Variants in JAKMIP3 observed in about 807,000 individuals in gnomAD.
The protein encoded by JAKMIP3 is Janus kinase and microtubule interacting protein 3.
Under a neutral mutation model 118.5 loss-of-function variants are expected in JAKMIP3, and 58 were observed. That is an observed-to-expected ratio of 0.49 (90% confidence interval 0.40 to 0.61). JAKMIP3 has a LOEUF of 0.61. JAKMIP3 is among the 20% of genes least tolerant of loss of function. The pLI, the probability that JAKMIP3 is intolerant of heterozygous loss-of-function variation, is 0.00. For missense variants in JAKMIP3, 950 were observed against 1,109.0 expected (o/e 0.86, Z 2.04); for synonymous variants, 486 against 451.2 (o/e 1.08, Z -0.98).
Position 132,167,066 on chromosome 10 carries a change from C to T in JAKMIP3, c.*22+11C>T, listed in dbSNP as rs11146224. ...TGGCACCCTGACGTGGTGAGTATTT[C>T]GTTGGCAGGGCCCAGCAGGGGTCCC... On this transcript the variant is annotated intron_variant, in intron 22 of 23. Coordinates refer to ENST00000684848, the MANE Select transcript of JAKMIP3 (RefSeq NM_001323087.2). 1.4e-3 allele frequency: 2,141 copies of T among 1,537,564 alleles called. 25 individuals are homozygous for T. The African/African-American group carries it at 0.023, about 17-fold the overall frequency.
At chr10:132,138,045 G>A (rs1050677322) in intron 8 of JAKMIP3, 74 bp from the exon 9 acceptor site, 66 of 1,360,530 alleles carry the variant, frequency 4.9e-5, no homozygotes, top group East Asian at 2.7e-4. Context: ...GATGGCACAC[G>A]GGCAGTAAAC....
At chr10:132,100,634 G>A (rs906877750) in intron 1 of JAKMIP3, among the ~76,000 whole-genome samples, 9 of 152,270 alleles carry the variant, frequency 5.9e-5, no homozygotes, top group East Asian at 3.9e-4. Context: ...TATGAGCTCC[G>A]TCACCTGCCA....
At chr10:132,076,510 C>T (rs2040811216) in intron 1 of JAKMIP3, among the ~76,000 whole-genome samples, 2 of 152,284 alleles carry the variant, frequency 1.3e-5, no homozygotes, top group African/African-American at 4.8e-5. Context: ...TTTCCGTTCT[C>T]TTGGGTTTAC....
intron 3 of JAKMIP3, among the ~76,000 whole-genome samples, chr10:132,130,415 A>G (rs1028035009): frequency 5.9e-5 from 9 of 152,340 alleles, no homozygotes; most frequent in African/African-American, 2.2e-4. Flanking sequence ...CTGTCTCACA[A>G]GGCGCATTCG....
chr10:132,136,959 C>A, intron 6 of JAKMIP3, 60 bp from the exon 7 acceptor site: 1 of 1,569,632 alleles, frequency 6.4e-7, no homozygotes, highest in Non-Finnish European at 8.6e-7. Context: ...CGCCGACCCA[C>A]TGTGTTCAGC....
At chr10:132,102,358 T>A (rs535968384) in intron 1 of JAKMIP3, among the ~76,000 whole-genome samples, 1 of 152,220 alleles carries the variant, frequency 6.6e-6, no homozygotes, top group African/African-American at 2.4e-5. Context: ...CTCAGCCCCG[T>A]CCATGGGTCC....
chr10:132,146,162 C>T (rs990203171), intron 13 of JAKMIP3, among the ~76,000 whole-genome samples: 4 of 141,200 alleles, frequency 2.8e-5, no homozygotes, highest in Admixed American at 6.9e-5. Context: ...CACCCTGGCC[C>T]GGGCTTTGTG....
At chr10:132,085,802 T>G (rs2042328842) in intron 1 of JAKMIP3, among the ~76,000 whole-genome samples, 1 of 152,202 alleles carries the variant, frequency 6.6e-6, no homozygotes, top group African/African-American at 2.4e-5. Flanking sequence ...CCTGGCCTTA[T>G]TTCTTTTTCA....
intron 2 of JAKMIP3, among the ~76,000 whole-genome samples, chr10:132,111,484 T>TGGGGAGG (rs2046869232): frequency 6.6e-6 from 1 of 151,688 alleles, no homozygotes; most frequent in South Asian, 2.1e-4. Context: ...GCAGCCCTCA[T>TGGGGAGG]GGGGAGGGTG....
chr10:132,097,751 GTTTT>G (rs71010000), intron 1 of JAKMIP3, among the ~76,000 whole-genome samples: 49 of 147,080 alleles, frequency 3.3e-4, no homozygotes, highest in East Asian at 6.1e-4. Flanking sequence ...CAAACTAAAA[GTTTT>G]TTTTTTTTTT....
intron 17 of JAKMIP3, among the ~76,000 whole-genome samples, chr10:132,153,410 AAGG>A (rs952998068): frequency 3.8e-4 from 58 of 152,284 alleles, no homozygotes; most frequent in South Asian, 1.0e-3. Context: ...CTCCCACAGC[AAGG>A]AGAAGGGGTG....
intron 3 of JAKMIP3, among the ~76,000 whole-genome samples, chr10:132,129,273 C>A (rs1183056787): frequency 2.0e-5 from 3 of 152,172 alleles, no homozygotes; most frequent in Non-Finnish European, 4.4e-5. Context: ...AGAGAATTCA[C>A]TATGATCTTC....
chr10:132,041,697 T>C (rs748898423), intron 1 of JAKMIP3, among the ~76,000 whole-genome samples: 9 of 152,202 alleles, frequency 5.9e-5, no homozygotes, highest in Non-Finnish European at 1.3e-4. Flanking sequence ...TGGGTGGGCA[T>C]GTGAGCTGCT....
At chr10:132,147,234 T>C (rs2054797105) in intron 13 of JAKMIP3, among the ~76,000 whole-genome samples, 2 of 152,124 alleles carry the variant, frequency 1.3e-5, no homozygotes, top group Non-Finnish European at 1.5e-5. Flanking sequence ...TCTGAGTTTA[T>C]CTTGGTCCCC....
intron 3 of JAKMIP3, 33 bp from the exon 4 acceptor site, chr10:132,133,279 C>A: frequency 6.6e-7 from 1 of 1,515,848 alleles, no homozygotes; most frequent in Middle Eastern, 1.7e-4. Flanking sequence ...CGTGTCCTGC[C>A]GCCTGTGTGA....
rs201839646 is a variant in JAKMIP3 at position 132,180,174 on chromosome 10, C to T, written c.*1104-2183C>T. On this transcript the variant is annotated intron_variant, in intron 23 of 23. Coordinates refer to ENST00000684848, the MANE Select transcript of JAKMIP3 (RefSeq NM_001323087.2). ...AATGCTTCGAAGCCAAGTTCCCAGA[C>T]GCCAGCCAATGGCCACCGTTGCAAG... Among the ~76,000 whole-genome samples the T allele has an allele frequency of 6.6e-5, 10 of 152,272 alleles. No individual in the cohort carries two copies. In the East Asian group the frequency reaches 1.4e-3, roughly 21 times the overall value.
At chr10:132,126,456 C>T (rs758261207) in intron 3 of JAKMIP3, among the ~76,000 whole-genome samples, 5 of 152,096 alleles carry the variant, frequency 3.3e-5, no homozygotes, top group Non-Finnish European at 7.4e-5. Flanking sequence ...GCACATGCTG[C>T]CGTACCTGGC....
chr10:132,152,853 G>GTCCCCAGTCAGCC (rs898705732), intron 16 of JAKMIP3, 105 bp from the exon 17 acceptor site: 12 of 843,784 alleles, frequency 1.4e-5, no homozygotes, highest in African/African-American at 3.4e-5. Context: ...CCACCCAGGC[G>GTCCCCAGTCAGCC]TCCCCAGTCA....
At chr10:132,067,641 G>T (rs2039015787) in intron 1 of JAKMIP3, among the ~76,000 whole-genome samples, 1 of 149,738 alleles carries the variant, frequency 6.7e-6, no homozygotes, top group Non-Finnish European at 1.5e-5. Context: ...CTTCCGTGTG[G>T]ACTCTGGGCT....
Sources: allele counts gnomAD v4.1 joint callset (sites outside exome capture counted in the v4.1 genomes callset), GRCh38; gene constraint gnomAD v4.1.1; transcripts MANE v1.5; gene names NCBI Gene and HGNC (gene_info 2026-07-23, HGNC 2026-07-21).